Variants in MDN1 observed in about 807,000 individuals in gnomAD.
The protein encoded by MDN1 is midasin AAA ATPase 1, also known as midasin.
A neutral mutation model predicts 669.2 loss-of-function variants in MDN1; 266 were observed. The observed-to-expected ratio is 0.40, with a 90% CI of 0.36 to 0.44. The LOEUF is 0.44. Ranked by LOEUF, MDN1 falls within the 20% of genes least tolerant of loss-of-function variation. MDN1 has a pLI of 1.00. For synonymous variants in MDN1, 2,385 were observed against 2,457.1 expected, an observed-to-expected ratio of 0.97 and a Z score of 0.87; for missense variants, 5,940 against 6,754.0, an observed-to-expected ratio of 0.88 and a Z score of 4.22.
At chr6:89,785,723 G>T (rs1818920094) in intron 8 of MDN1, among the ~76,000 whole-genome samples, 1 of 152,168 alleles carries the variant, frequency 6.6e-6, no homozygotes, top group African/African-American at 2.4e-5. Context: ...GACTGAAAAT[G>T]GCAGAACTGA....
intron 35 of MDN1, among the ~76,000 whole-genome samples, chr6:89,730,471 G>A (rs1815516427): frequency 6.6e-6 from 1 of 152,118 alleles, no homozygotes; most frequent in Non-Finnish European, 1.5e-5. Flanking sequence ...CCTAATGTGG[G>A]AACCAACTAA....
chr6:89,758,862 A>C lies in MDN1; in HGVS notation c.2559T>G (p.Leu853=). The change falls in exon 18 of 102, where the codon CTT becomes CTG. Residue 853 remains leucine, a synonymous_variant. Coordinates refer to ENST00000369393, the MANE Select transcript of MDN1 (RefSeq NM_014611.3). ...PEILECLSGL[L]EGSSGSLVLL... ...ACACCAGGGATCCAGAAGATCCTTC[A>C]AGCAAACCACTCAGACATTCTAGTA... The C allele has an allele frequency of 4.3e-6, 7 of 1,614,172 alleles. No homozygotes were observed. Among genetic ancestry groups the C allele is most frequent in the Non-Finnish European group, 5.9e-6 (7 of 1,180,032 alleles).
At chr6:89,720,217 C>T (rs1055248513) in intron 40 of MDN1, among the ~76,000 whole-genome samples, 2 of 152,044 alleles carry the variant, frequency 1.3e-5, no homozygotes, top group African/African-American at 2.4e-5. Flanking sequence ...CCAGGTGATA[C>T]ATGACCTCAT....
At chr6:89,681,995 C>T (rs1247464113) in intron 73 of MDN1, among the ~76,000 whole-genome samples, 1 of 152,134 alleles carries the variant, frequency 6.6e-6, no homozygotes, top group Non-Finnish European at 1.5e-5. Flanking sequence ...CTGGAGCTCC[C>T]CACACCCAAG....
chr6:89,796,926 G>A (rs1203418351), intron 2 of MDN1, among the ~76,000 whole-genome samples: 1 of 152,022 alleles, frequency 6.6e-6, no homozygotes, highest in Non-Finnish European at 1.5e-5. Flanking sequence ...AAATTAGCCA[G>A]GCGTGGTTAT....
intron 27 of MDN1, 84 bp from the exon 28 acceptor site, chr6:89,745,710 T>C (rs9444704): frequency 0.71 from 969,810 of 1,363,148 alleles, 347,820 homozygotes; most frequent in East Asian, 0.95. Flanking sequence ...TATGAAACAA[T>C]AGAAACTCTC....
At chr6:89,656,602 G>A (rs1038282155) in intron 91 of MDN1, 98 bp downstream of exon 91, 3 of 943,764 alleles carry the variant, frequency 3.2e-6, no homozygotes, top group African/African-American at 1.7e-5. Flanking sequence ...AAAAAACCAG[G>A]AGTATAGCTT....
At position 89,780,203 on chromosome 6, in the gene MDN1, A is replaced by ATT. The variant is rs767453856; in HGVS notation, c.1725+8_1725+9insAA. The ATT allele has an allele frequency of 4.6e-6, 7 of 1,508,274 alleles. No homozygotes were observed. Among genetic ancestry groups the ATT allele is most frequent in the Non-Finnish European group, 5.4e-6 (6 of 1,116,050 alleles). 93.4% of individuals were successfully genotyped at this position (1,508,274 alleles called of 1,614,324 possible). A position where few individuals can be genotyped will look rare whatever the true frequency, so the allele number is the denominator to read the frequency against. Reference sequence around the variant, plus strand: ...CCAAGACAAAAAAGACTGGAAAACTATATCTTACCTCTTGAAAAATATTTA... The same window carrying ATT: ...CCAAGACAAAAAAGACTGGAAAACTATTTATCTTACCTCTTGAAAAATATTTA... On this transcript the variant is annotated intron_variant, in intron 11 of 101. Coordinates refer to ENST00000369393, the MANE Select transcript of MDN1 (RefSeq NM_014611.3).
intron 58 of MDN1, 60 bp from the exon 59 acceptor site, chr6:89,699,095 G>T (rs1341163762): frequency 1.4e-6 from 2 of 1,433,744 alleles, no homozygotes; most frequent in East Asian, 2.3e-5. Flanking sequence ...TAAATTATTA[G>T]GTCTTCTTTC....
chr6:89,809,016 A>G (rs903972750), intron 1 of MDN1, among the ~76,000 whole-genome samples: 2 of 152,004 alleles, frequency 1.3e-5, no homozygotes, highest in African/African-American at 4.8e-5. Flanking sequence ...CAGGAGTTTG[A>G]GACCAGCCTG....
intron 75 of MDN1, 67 bp from the exon 76 acceptor site, chr6:89,677,763 C>T (rs1025095561): frequency 9.4e-6 from 15 of 1,603,060 alleles, no homozygotes; most frequent in Non-Finnish European, 1.3e-5. Context: ...CCCCCTCTCC[C>T]CTGCTACTCA....
chr6:89,668,175 G>A, intron 83 of MDN1, 24 bp from the exon 84 acceptor site: 1 of 1,612,544 alleles, frequency 6.2e-7, no homozygotes, highest in Middle Eastern at 1.7e-4. Context: ...AAAAGGAAGT[G>A]AACAATTAGG....
In MDN1 at chr6:89,794,150, T is replaced by C; in HGVS notation, c.612A>G (p.Ser204=). The C allele has an allele frequency of 2.5e-6, 4 of 1,604,260 alleles. No homozygotes were observed. In the Admixed American group the frequency reaches 7.0e-5, roughly 28 times the overall value. The change falls in exon 4 of 102, where the codon TCA becomes TCG. Residue 204 remains serine, a synonymous_variant. Transcript: ENST00000369393. The part of the protein sequence containing the change: ...VTCMNEEHKL[S]FLKKIFNSDE... ...CACTATTAAATATCTTCTTAAGAAA[T>C]GATAACTTGTGCTCTTCATTCATAC...
rs1300107365 is a variant in MDN1 at position 89,693,024 on chromosome 6, T to C, written c.10006A>G (p.Ser3336Gly). 1.2e-6 allele frequency: 2 copies of C among 1,614,190 alleles called. No homozygotes were observed. The highest frequency in any genetic ancestry group is 1.7e-6 in the Non-Finnish European group (2 of 1,180,024). ...LVQEIHHYVT[S>G]IAKAPAVQDL... Reference sequence around the variant, plus strand: ...TGAACAGCAGGGGCCTTGGCGATGCTGGTGACGTAGTGGTGGATCTCCTGA... The same window carrying C: ...TGAACAGCAGGGGCCTTGGCGATGCCGGTGACGTAGTGGTGGATCTCCTGA... Residue 3336 changes from serine to glycine, a missense_variant, in exon 63 of 102, where the codon AGC becomes GGC. Coordinates refer to ENST00000369393, the MANE Select transcript of MDN1 (RefSeq NM_014611.3).
intron 36 of MDN1, 105 bp downstream of exon 36, chr6:89,728,826 T>C: frequency 8.3e-7 from 1 of 1,211,776 alleles, no homozygotes; most frequent in South Asian, 1.5e-5. Flanking sequence ...AAAGAAAAAT[T>C]TGAGGATACT....
rs538547471 is a variant in MDN1, at chr6:89,808,207, C to A, written c.103-4653G>T. Among the ~76,000 whole-genome samples the A allele has an allele frequency of 1.1e-4, 16 of 151,952 alleles. No homozygotes were observed. The South Asian group carries it at 3.3e-3, about 32-fold the overall frequency. On this transcript the variant is annotated intron_variant, in intron 1 of 101. Transcript: ENST00000369393. ...GTCTGTTGCAGTGACTGACTTTTCTCCTGGCAATGAGCCACCATTTTCCTT... is the reference window on the plus strand; with the variant it reads ...GTCTGTTGCAGTGACTGACTTTTCTACTGGCAATGAGCCACCATTTTCCTT...
chr6:89,797,284 C>A (rs1409772171), intron 2 of MDN1, among the ~76,000 whole-genome samples: 1 of 149,580 alleles, frequency 6.7e-6, no homozygotes, highest in African/African-American at 2.5e-5. Context: ...GCAGGAGAAT[C>A]GCTTGAACCT....
intron 61 of MDN1, among the ~76,000 whole-genome samples, chr6:89,694,634 C>T (rs979690966): frequency 6.6e-6 from 1 of 152,028 alleles, no homozygotes; most frequent in Non-Finnish European, 1.5e-5. Flanking sequence ...GGCTTGACCC[C>T]GCAGGCTCAA....
intron 49 of MDN1, 61 bp from the exon 50 acceptor site, chr6:89,710,855 T>G: frequency 5.3e-6 from 5 of 948,662 alleles, no homozygotes; most frequent in South Asian, 1.6e-5. Context: ...TTGAACGTTC[T>G]GCAGTGATGA....
Sources: allele counts gnomAD v4.1 joint callset (sites outside exome capture counted in the v4.1 genomes callset), GRCh38; gene constraint gnomAD v4.1.1; transcripts MANE v1.5; gene names NCBI Gene and HGNC (gene_info 2026-07-23, HGNC 2026-07-21).